ZSCAN5A: variants seen among roughly 807,000 people sequenced by gnomAD.
ZSCAN5A encodes zinc finger and SCAN domain-containing protein 5A.
In ZSCAN5A, 12 loss-of-function variants were observed where a neutral mutation model predicts 23.7. That is an observed-to-expected ratio of 0.51 (90% CI 0.32 to 0.82). ZSCAN5A has a LOEUF of 0.82. Ranked by LOEUF, ZSCAN5A falls within the 40% of genes least tolerant of loss-of-function variation. The pLI, the probability that ZSCAN5A is intolerant of heterozygous loss-of-function variation, is 0.03. For missense variants in ZSCAN5A, 597 were observed against 617.9 expected (o/e 0.97, Z 0.36); for synonymous variants, 257 against 239.9 (o/e 1.07, Z -0.66).
chr19:56,278,967 A>C (rs2038471948), intron 2 of ZSCAN5A, among the ~76,000 whole-genome samples: 1 of 152,148 alleles, frequency 6.6e-6, no homozygotes, highest in South Asian at 2.1e-4. Flanking sequence ...TTCCCTACCT[A>C]GTCTTCCAAC....
intron 2 of ZSCAN5A, chr19:56,302,775 G>C (rs1233052586): frequency 3.0e-5 from 12 of 397,144 alleles, no homozygotes; most frequent in Non-Finnish European, 5.3e-5. Flanking sequence ...ACAGCCCCAG[G>C]GGCTCCTTTG....
intron 2 of ZSCAN5A, among the ~76,000 whole-genome samples, chr19:56,327,304 A>G (rs113393217): frequency 1.2e-4 from 19 of 152,092 alleles, no homozygotes; most frequent in African/African-American, 4.6e-4. Flanking sequence ...CTTTATAGAA[A>G]TGGGGTCTTG....
intron 2 of ZSCAN5A, among the ~76,000 whole-genome samples, chr19:56,269,646 T>C (rs982308069): frequency 6.6e-6 from 1 of 152,002 alleles, no homozygotes; most frequent in African/African-American, 2.4e-5. Flanking sequence ...ATCAGAGCAA[T>C]GTACGGTGAG....
rs529988489 is a variant in ZSCAN5A, at chr19:56,344,305, A to G, written c.-358+18930T>C. 1.6e-4 allele frequency among the ~76,000 whole-genome samples: 25 copies of G among 152,406 alleles called. No homozygotes were observed. In the South Asian group the frequency reaches 5.2e-3, roughly 32 times the overall value. On this transcript the variant is annotated intron_variant, in intron 2 of 6. Transcript: ENST00000587340. ...GATTAGAAGTTACGGTAATGTTACT[A>G]AATTCAAGATAGAGCTATTTTTATT...
chr19:56,317,234 C>G (rs1326695186), upstream of ZSCAN5A: 1 of 152,280 alleles, frequency 6.6e-6, no homozygotes, highest in Non-Finnish European at 1.5e-5. Context: ...AGTGCTGGAG[C>G]CCACGATGGA....
At chr19:56,322,492 T>TA (rs1440216353) in intron 2 of ZSCAN5A, among the ~76,000 whole-genome samples, 1 of 152,222 alleles carries the variant, frequency 6.6e-6, no homozygotes. Flanking sequence ...TTTCCAGTAA[T>TA]ACTGGGGGCA....
At chr19:56,287,892 A>T (rs1256228427) in intron 2 of ZSCAN5A, among the ~76,000 whole-genome samples, 1 of 152,238 alleles carries the variant, frequency 6.6e-6, no homozygotes, top group Non-Finnish European at 1.5e-5. Context: ...TAAATGCCAC[A>T]AAAGCTACAG....
At chr19:56,298,465 G>A (rs574607651) in intron 2 of ZSCAN5A, among the ~76,000 whole-genome samples, 30 of 151,882 alleles carry the variant, frequency 2.0e-4, no homozygotes, top group Non-Finnish European at 3.5e-4. Context: ...ATGAAACCCC[G>A]TCTGGTGAAA....
upstream of ZSCAN5A, chr19:56,315,277 A>G (rs776145507): frequency 6.6e-6 from 1 of 152,200 alleles, no homozygotes; most frequent in African/African-American, 2.4e-5. Flanking sequence ...GCACACGCGC[A>G]TTGAGGCGTG....
chr19:56,238,492 TGTG>T (rs977803071), intron 2 of ZSCAN5A, among the ~76,000 whole-genome samples: 2 of 152,108 alleles, frequency 1.3e-5, no homozygotes, highest in African/African-American at 4.8e-5. Context: ...ATTAGCCAAG[TGTG>T]GTGGTGCTTG....
At chr19:56,241,012 T>A (rs2033486) in intron 2 of ZSCAN5A, among the ~76,000 whole-genome samples, 91,613 of 152,092 alleles carry the variant, frequency 0.6, 28,078 homozygotes, top group Middle Eastern at 0.72. Flanking sequence ...CCGGCCGCAC[T>A]CCACTTGTTA....
At chr19:56,344,659 TTTGGGAGGCCGAG>T (rs2041617848) in intron 2 of ZSCAN5A, among the ~76,000 whole-genome samples, 3 of 144,286 alleles carry the variant, frequency 2.1e-5, no homozygotes, top group Non-Finnish European at 3.0e-5. Context: ...ATCCCAGCAC[TTTGGGAGGCCGAG>T]GCGGGTGGAT....
At position 56,221,489 on chromosome 19, in the gene ZSCAN5A, G is replaced by A. The variant is rs1472518727; in HGVS notation, c.*86C>T. On this transcript the variant is annotated 3_prime_UTR_variant, in exon 6 of 6. Coordinates refer to ENST00000683990, the MANE Select transcript of ZSCAN5A (RefSeq NM_001322064.3). Reference sequence around the variant, plus strand: ...CTCCCTCTGTGTGTCAGACGCCCTTGCATGTGTCAAATGTCATCTGATAAC... The same window carrying A: ...CTCCCTCTGTGTGTCAGACGCCCTTACATGTGTCAAATGTCATCTGATAAC... The A allele has an allele frequency of 1.3e-6, 2 of 1,488,736 alleles. No individual in the cohort carries two copies. Among genetic ancestry groups the A allele is most frequent in the Non-Finnish European group, 1.8e-6 (2 of 1,109,736 alleles). The allele number at this position is 1,488,736 out of a possible 1,614,324, so 92.2% of individuals were successfully genotyped here.
intron 2 of ZSCAN5A, among the ~76,000 whole-genome samples, chr19:56,258,391 C>T (rs1027947183): frequency 4.5e-5 from 6 of 131,898 alleles, no homozygotes; most frequent in Non-Finnish European, 7.4e-5. Context: ...GTGGGGGTGA[C>T]GGACACGCCT....
rs529795939 is a variant in ZSCAN5A at position 56,358,282 on chromosome 19, G to A, written c.-358+4953C>T. 1.6e-4 allele frequency among the ~76,000 whole-genome samples: 24 copies of A among 148,048 alleles called. 1 individual carries two copies. The highest frequency in any genetic ancestry group is 3.1e-4 in the Non-Finnish European group (21 of 67,044). On this transcript the variant is annotated intron_variant, in intron 2 of 6. Coordinates refer to the ZSCAN5A transcript ENST00000587340. ...ATTACAGGCGCCCACTACCATACCC[G>A]TCTAATTTTTGTATTTTGAGTAGAG... is the stretch of plus-strand genomic sequence containing the variant.
chr19:56,340,350 C>A lies in ZSCAN5A; in HGVS notation c.-358+22885G>T, dbSNP rs79588341. The stretch of plus-strand genomic sequence containing the variant: ...GGAGCCAGCAGGGCAGCTCTCACTG[C>A]AGACGGAATGAGAAAACTGGAGGAA... On this transcript the variant is annotated intron_variant, in intron 2 of 6. Transcript: ENST00000587340. Among the ~76,000 whole-genome samples, 245 of 152,262 alleles carry A rather than the reference C, an allele frequency of 1.6e-3. 3 individuals carry two copies. The East Asian group carries it at 0.035, about 22-fold the overall frequency.
At chr19:56,244,193 A>G (rs539896358) in intron 2 of ZSCAN5A, 2 of 1,610,432 alleles carry the variant, frequency 1.2e-6, no homozygotes, top group East Asian at 2.2e-5. Context: ...CAGGATGTTC[A>G]GCTGCCCAGA....
intron 2 of ZSCAN5A, among the ~76,000 whole-genome samples, chr19:56,281,874 T>A (rs2038736134): frequency 6.6e-6 from 1 of 152,054 alleles, no homozygotes; most frequent in South Asian, 2.1e-4. Context: ...TTGCCCGGGG[T>A]GGGAACGGTG....
chr19:56,365,718 G>A (rs973077396), intron 1 of ZSCAN5A: 5 of 152,216 alleles, frequency 3.3e-5, no homozygotes, highest in African/African-American at 1.2e-4. Flanking sequence ...TAACTTACCA[G>A]AGCAGAAACT....
Sources: gnomAD v4.1 joint callset for allele counts (sites outside exome capture counted in the v4.1 genomes callset) on GRCh38, gnomAD v4.1.1 for gene constraint, MANE v1.5 for transcripts, NCBI Gene and HGNC (gene_info 2026-07-23, HGNC 2026-07-21) for gene names.